Variants in ATP10A observed in about 807,000 individuals in gnomAD.
ATP10A encodes phospholipid-transporting ATPase VA.
Under a neutral mutation model 147.8 loss-of-function variants are expected in ATP10A, and 111 were observed. That is an observed-to-expected ratio of 0.75 (90% confidence interval 0.64 to 0.88). The LOEUF (loss-of-function observed/expected upper bound fraction) is 0.88, where lower values mean the gene tolerates loss of function less well. Ranked by LOEUF, ATP10A falls within the 40% of genes least tolerant of loss-of-function variation. The pLI is 0.00. For synonymous variants in ATP10A, 875 were observed against 841.6 expected (o/e 1.04, Z -0.69); for missense variants, 1,927 against 1,959.0 (o/e 0.98, Z 0.31).
At chr15:25,864,374 A>AGGCCGTGGCTGGGCGGTT (rs1893903868), upstream of ATP10A, among the ~76,000 whole-genome samples, 1 of 152,194 alleles carries the variant, frequency 6.6e-6, no homozygotes, top group East Asian at 1.9e-4. Context: ...CTTGCCCAGG[A>AGGCCGTGGCTGGGCGGTT]GGCCGTGGCT....
chr15:25,855,080 GA>G (rs1020236032), intron 1 of ATP10A, among the ~76,000 whole-genome samples: 1 of 140,570 alleles, frequency 7.1e-6, no homozygotes, highest in Non-Finnish European at 1.5e-5. Context: ...AAAAAAAACA[GA>G]AAAAAAGAAA....
chr15:25,702,392 C>T (rs939785178), intron 12 of ATP10A, among the ~76,000 whole-genome samples: 1 of 152,184 alleles, frequency 6.6e-6, no homozygotes, highest in African/African-American at 2.4e-5. Flanking sequence ...GTACTTACAC[C>T]AAAGTACCTC....
At position 25,862,791 on chromosome 15, in the gene ATP10A, C is replaced by A. The variant is rs1414682365; in HGVS notation, c.306G>T (p.Ala102=). The A allele has an allele frequency of 1.9e-6, 3 of 1,610,336 alleles. No individual in the cohort carries two copies. Among genetic ancestry groups the A allele is most frequent in the Middle Eastern group, 1.7e-4 (1 of 6,058 alleles). The change falls in exon 1 of 21, where the codon GCG becomes GCT. Residue 102 remains alanine, a synonymous_variant. Transcript: ENST00000555815. ...VFIALLNFVP[A]VNAFQPGLAL... The stretch of plus-strand genomic sequence containing the variant: ...CCAGGCCGGGCTGGAAGGCGTTCAC[C>A]GCCGGCACGAAGTTGAGCAGCGCGA...
intron 1 of ATP10A, among the ~76,000 whole-genome samples, chr15:25,812,133 CG>C (rs1385794962): frequency 2.6e-5 from 4 of 152,206 alleles, no homozygotes; most frequent in Non-Finnish European, 5.9e-5. Flanking sequence ...AAGAAACTGA[CG>C]CCTTGGAGTT....
At chr15:25,696,386 G>A (rs1330627325) in intron 13 of ATP10A, among the ~76,000 whole-genome samples, 3 of 152,192 alleles carry the variant, frequency 2.0e-5, no homozygotes, top group Admixed American at 6.5e-5. Flanking sequence ...CCAGGGCATG[G>A]GGTGGGATAT....
intron 1 of ATP10A, among the ~76,000 whole-genome samples, chr15:25,814,116 G>C (rs1891548133): frequency 1.3e-5 from 2 of 151,740 alleles, no homozygotes; most frequent in Non-Finnish European, 2.9e-5. Flanking sequence ...ATCAATGATA[G>C]GAAAAATCTT....
intron 1 of ATP10A, among the ~76,000 whole-genome samples, chr15:25,813,505 C>A (rs1891518805): frequency 1.3e-5 from 2 of 152,256 alleles, no homozygotes; most frequent in Middle Eastern, 3.4e-3. Context: ...TGAAAAAAAG[C>A]AGGCATGCAA....
At chr15:25,821,416 A>C (rs1017470552) in intron 1 of ATP10A, among the ~76,000 whole-genome samples, 22 of 151,956 alleles carry the variant, frequency 1.4e-4, no homozygotes, top group African/African-American at 4.8e-4. Context: ...AAAAACAAAC[A>C]AAAAAAGCAT....
chr15:25,749,373 T>C (rs796493417), intron 2 of ATP10A, among the ~76,000 whole-genome samples: 8 of 152,330 alleles, frequency 5.3e-5, no homozygotes, highest in African/African-American at 1.4e-4. Flanking sequence ...CTGTGTTACA[T>C]AGATCTGGGG....
chr15:25,700,213 A>AG (rs2140338932), intron 13 of ATP10A, among the ~76,000 whole-genome samples: 1 of 152,364 alleles, frequency 6.6e-6, no homozygotes, highest in South Asian at 2.1e-4. Flanking sequence ...AGGGGCTAGC[A>AG]GAAAAAAAAT....
chr15:25,825,032 A>G (rs1397569888), intron 1 of ATP10A, among the ~76,000 whole-genome samples: 1 of 152,210 alleles, frequency 6.6e-6, no homozygotes, highest in Non-Finnish European at 1.5e-5. Flanking sequence ...AAAACAAAAC[A>G]AAACAAAACA....
chr15:25,787,628 A>AG lies in ATP10A; in HGVS notation c.450-6406_450-6405insC, dbSNP rs1010957236. 2.6e-3 allele frequency among the ~76,000 whole-genome samples: 384 copies of AG among 149,130 alleles called. 5 individuals are homozygous for AG. In the East Asian group the frequency reaches 0.028, roughly 11 times the overall value. ...CTCCTTCTTAAAAAAAAAAAAAAAAAAAGAAGAAAGAAAAAGAAAAAGAAA... is the reference window on the plus strand; with the variant it reads ...CTCCTTCTTAAAAAAAAAAAAAAAAAGAAGAAGAAAGAAAAAGAAAAAGAAA... On this transcript the variant is annotated intron_variant, in intron 1 of 20. Coordinates refer to ENST00000555815, the MANE Select transcript of ATP10A (RefSeq NM_024490.4).
chr15:25,718,441 C>T lies in ATP10A; in HGVS notation c.1364-42G>A, dbSNP rs1404521616. 6.5e-6 allele frequency: 10 copies of T among 1,539,254 alleles called. No individual in the cohort carries two copies. In the East Asian group the frequency reaches 7.1e-5, roughly 11 times the overall value. Reference sequence around the variant, plus strand: ...CAGGGTGAGGCATCATGGGGGAAGGCTGGGCGGAGCAGAAAGAAACCATTC... The same window carrying T: ...CAGGGTGAGGCATCATGGGGGAAGGTTGGGCGGAGCAGAAAGAAACCATTC... On this transcript the variant is annotated intron_variant, in intron 7 of 20. Transcript: ENST00000555815.
At chr15:25,791,120 G>T (rs993674527) in intron 1 of ATP10A, among the ~76,000 whole-genome samples, 2 of 137,696 alleles carry the variant, frequency 1.5e-5, no homozygotes, top group African/African-American at 5.4e-5. Context: ...TTGCTCTGTC[G>T]CCCAGGCTGG....
rs147140283 is a variant in ATP10A at position 25,776,283 on chromosome 15, C to A, written c.654+4736G>T. ...ATGTGCAGGTGAGAGACAGCAGACACCCCACGCAAAGTGGAGGAACCCGCT... is the reference window on the plus strand; with the variant it reads ...ATGTGCAGGTGAGAGACAGCAGACAACCCACGCAAAGTGGAGGAACCCGCT... On this transcript the variant is annotated intron_variant, in intron 2 of 20. Coordinates refer to ENST00000555815, the MANE Select transcript of ATP10A (RefSeq NM_024490.4). Among the ~76,000 whole-genome samples the A allele has an allele frequency of 4.0e-3, 603 of 152,322 alleles. 4 individuals carry two copies. Among genetic ancestry groups the A allele is most frequent in the African/African-American group, 0.014 (595 of 41,568 alleles).
chr15:25,724,418 T>C (rs1270196197), intron 5 of ATP10A, among the ~76,000 whole-genome samples: 1 of 152,228 alleles, frequency 6.6e-6, no homozygotes, highest in African/African-American at 2.4e-5. Context: ...CTGCCATTAT[T>C]GTCCTTTCCT....
intron 1 of ATP10A, chr15:25,862,263 C>T: frequency 2.1e-6 from 1 of 482,646 alleles, no homozygotes; most frequent in Admixed American, 2.3e-5. Context: ...TGTGCCTGGC[C>T]GAAGACTGAG....
chr15:25,858,361 G>A (rs1893609054), intron 1 of ATP10A, among the ~76,000 whole-genome samples: 1 of 152,120 alleles, frequency 6.6e-6, no homozygotes, highest in Admixed American at 6.6e-5. Context: ...GGGATGGAGG[G>A]AATATGCCAT....
intron 2 of ATP10A, 41 bp downstream of exon 2, chr15:25,780,978 G>A (rs1308815250): frequency 6.3e-7 from 1 of 1,596,754 alleles, no homozygotes; most frequent in East Asian, 2.2e-5. Flanking sequence ...ACACTGTGTG[G>A]CTGTAATGCC....
Sources: allele counts gnomAD v4.1 joint callset (sites outside exome capture counted in the v4.1 genomes callset), GRCh38; gene constraint gnomAD v4.1.1; transcripts MANE v1.5; gene names NCBI Gene and HGNC (gene_info 2026-07-23, HGNC 2026-07-21).